NRARP: variants seen among roughly 807,000 people sequenced by gnomAD.
NRARP encodes notch-regulated ankyrin repeat-containing protein.
For synonymous variants in NRARP, 81 were observed against 77.4 expected, an observed-to-expected ratio of 1.05 and a Z score of -0.25; for missense variants, 83 against 161.1, an observed-to-expected ratio of 0.52 and a Z score of 2.62.
chr9:137,301,942 G>A lies in NRARP; in HGVS notation c.-14C>T. 1 of 1,275,626 alleles carries A rather than the reference G, an allele frequency of 7.8e-7. No individual in the cohort carries two copies. Among genetic ancestry groups the A allele is most frequent in the Non-Finnish European group, 1.0e-6 (1 of 1,000,826 alleles). 79.0% of individuals were successfully genotyped at this position (1,275,626 alleles called of 1,614,324 possible). On this transcript the variant is annotated 5_prime_UTR_variant, in exon 1 of 1. Transcript: ENST00000356628. This position sits in a 1 kb window ranked among gnomAD's most constrained non-coding sequence, Gnocchi z 9.1. ...GGCCTGGCTCATGCTGCCGCCGGGC[G>A]CGGGCCGCGGGCCGGGCCGGGGCTC...
Position 137,302,063 on chromosome 9 carries a change from C to A in NRARP, c.-135G>T. ...CGTCCCCGGGCCCCGCACGCCGCCT[C>A]TGGGCGCTCCGGGCGCTCGGGGCCG... On this transcript the variant is annotated 5_prime_UTR_variant, in exon 1 of 1. Coordinates refer to ENST00000356628, the MANE Select transcript of NRARP (RefSeq NM_001004354.3). This position sits in a 1 kb window ranked among gnomAD's most constrained non-coding sequence, Gnocchi z 4.8. 1 of 198,814 alleles carries A rather than the reference C, an allele frequency of 5.0e-6. No homozygotes were observed. Among genetic ancestry groups the A allele is most frequent in the South Asian group, 1.7e-4 (1 of 5,856 alleles). 12.3% of individuals were successfully genotyped at this position (198,814 alleles called of 1,614,324 possible).
At position 137,301,907 on chromosome 9, in the gene NRARP, T is replaced by C. The variant is rs1830959114; in HGVS notation, c.22A>G (p.Thr8Ala). The C allele has an allele frequency of 3.2e-6, 5 of 1,540,156 alleles. No individual in the cohort carries two copies. The highest frequency in any genetic ancestry group is 1.8e-5 in the Admixed American group (1 of 56,162). Residue 8 changes from threonine (T) to alanine (A), a missense_variant, in exon 1 of 1, where the codon ACC becomes GCC. Coordinates refer to ENST00000356628, the MANE Select transcript of NRARP (RefSeq NM_001004354.3). The surrounding 1 kb of genome is among the most constrained non-coding windows in gnomAD (Gnocchi z 9.1). MSQAELSTCSAPQTQRIF... is the reference protein window; with the variant it reads MSQAELSACSAPQTQRIF... ...CGCTGCGTCTGCGGCGCGGAGCAGG[T>C]GGACAGCTCGGCCTGGCTCATGCTG...
Position 137,300,354 on chromosome 9 carries a change from C to T in NRARP, c.*1230G>A, listed in dbSNP as rs1057356464. The stretch of plus-strand genomic sequence containing the variant: ...GCCATTAGCACAAGAGATTCACAGT[C>T]TTATAGGTATTTTATAAAAATATAA... On this transcript the variant is annotated 3_prime_UTR_variant, in exon 1 of 1. Transcript: ENST00000356628. 1.3e-5 allele frequency: 2 copies of T among 152,092 alleles called. No individual in the cohort carries two copies. The highest frequency in any genetic ancestry group is 4.8e-5 in the African/African-American group (2 of 41,398). The allele number at this position is 152,092 out of a possible 1,614,324, so 9.4% of individuals were successfully genotyped here.
chr9:137,301,460 T>C lies in NRARP; in HGVS notation c.*124A>G. The C allele has an allele frequency of 1.7e-6, 1 of 600,742 alleles. No individual in the cohort carries two copies. The highest frequency in any genetic ancestry group is 2.8e-5 in the South Asian group (1 of 36,014). The allele number at this position is 600,742 out of a possible 1,614,324, so 37.2% of individuals were successfully genotyped here. On this transcript the variant is annotated 3_prime_UTR_variant, in exon 1 of 1. Transcript: ENST00000356628. The surrounding 1 kb of genome is among the most constrained non-coding windows in gnomAD (Gnocchi z 9.1). Reference sequence around the variant, plus strand: ...CCCTGGGGCCGGGACGCACGCGCCGTATTCGCCGTGGCCACGGGCCTTCTG... The same window carrying C: ...CCCTGGGGCCGGGACGCACGCGCCGCATTCGCCGTGGCCACGGGCCTTCTG...
Position 137,301,670 on chromosome 9 carries a change from C to A in NRARP, c.259G>T (p.Ala87Ser). Residue 87 changes from alanine (A) to serine (S), a missense_variant, in exon 1 of 1, where the codon GCG (alanine) becomes TCG (serine). Transcript: ENST00000356628. The surrounding 1 kb of genome is among the most constrained non-coding windows in gnomAD (Gnocchi z 9.1). ...IRLANRDGWS[A>S]LHIAAFGGHQ... ...CCACCGAACGCGGCGATGTGCAGCG[C>A]GCTCCAGCCGTCGCGGTTGGCCAGG... is the stretch of plus-strand genomic sequence containing the variant. 6.2e-7 allele frequency: 1 copy of A among 1,611,480 alleles called. No individual in the cohort carries two copies. The highest frequency in any genetic ancestry group is 1.1e-5 in the South Asian group (1 of 90,946).
chr9:137,301,999 G>T lies in NRARP; in HGVS notation c.-71C>A. 1.6e-6 allele frequency: 1 copy of T among 635,650 alleles called. No individual in the cohort carries two copies. The highest frequency in any genetic ancestry group is 1.9e-6 in the Non-Finnish European group (1 of 512,856). The allele number at this position is 635,650 out of a possible 1,614,324, so 39.4% of individuals were successfully genotyped here. A position where few individuals can be genotyped will look rare whatever the true frequency, so the allele number is the denominator to read the frequency against. On this transcript the variant is annotated 5_prime_UTR_variant, in exon 1 of 1. Transcript: ENST00000356628. The surrounding 1 kb of genome is among the most constrained non-coding windows in gnomAD (Gnocchi z 9.1). The stretch of plus-strand genomic sequence containing the variant: ...GGCGGCGGCTGCGGCGCGGGCCCCC[G>T]GCTGTCTCGGGGCGCGCCTCGGCGC...
Position 137,301,961 on chromosome 9 carries a change from G to C in NRARP, c.-33C>G, listed in dbSNP as rs1830960167. 9.3e-7 allele frequency: 1 copy of C among 1,078,114 alleles called. No homozygotes were observed. Among genetic ancestry groups the C allele is most frequent in the Non-Finnish European group, 1.1e-6 (1 of 878,478 alleles). 66.8% of individuals were successfully genotyped at this position (1,078,114 alleles called of 1,614,324 possible). On this transcript the variant is annotated 5_prime_UTR_variant, in exon 1 of 1. Transcript: ENST00000356628. The surrounding 1 kb of genome is among the most constrained non-coding windows in gnomAD (Gnocchi z 9.1). ...CCGGGCGCGGGCCGCGGGCCGGGCC[G>C]GGGCTCAGCGCGGGCGGCGGCTGCG...
In NRARP at chr9:137,301,424, G is replaced by T; in HGVS notation, c.*160C>A. ...GCCGCAGGGAGGCGCTCGGCCGGCG[G>T]GGCTGCCGGACCCTGGGGCCGGGAC... is the stretch of plus-strand genomic sequence containing the variant. On this transcript the variant is annotated 3_prime_UTR_variant, in exon 1 of 1. Coordinates refer to ENST00000356628, the MANE Select transcript of NRARP (RefSeq NM_001004354.3). This position sits in a 1 kb window ranked among gnomAD's most constrained non-coding sequence, Gnocchi z 9.1. The T allele has an allele frequency of 2.4e-6, 1 of 412,174 alleles. No homozygotes were observed. Among genetic ancestry groups the T allele is most frequent in the Admixed American group, 4.7e-5 (1 of 21,322 alleles). 25.5% of individuals were successfully genotyped at this position (412,174 alleles called of 1,614,324 possible).
chr9:137,300,121 A>G lies in NRARP; in HGVS notation c.*1463T>C, dbSNP rs953972334. Among the ~76,000 whole-genome samples, 10 of 152,156 alleles carry G rather than the reference A, an allele frequency of 6.6e-5. No homozygotes were observed. Among genetic ancestry groups the G allele is most frequent in the Non-Finnish European group, 1.3e-4 (9 of 68,038 alleles). ...AGCCTCCCTTTTATTTCTCAGGATC[A>G]AAACAACAAGGGGTGTGGGGCTGCA... is the stretch of plus-strand genomic sequence containing the variant. On this transcript the variant is annotated 3_prime_UTR_variant, in exon 1 of 1. Transcript: ENST00000356628.
chr9:137,301,755 C>T lies in NRARP; in HGVS notation c.174G>A (p.Ser58=), dbSNP rs1275202574. ...GPEGQTALHQ[S]VIDGNLELVK... Reference sequence around the variant, plus strand: ...CGAGCTCCAGGTTGCCGTCGATGACCGACTGGTGCAGCGCCGTCTGGCCCT... The same window carrying T: ...CGAGCTCCAGGTTGCCGTCGATGACTGACTGGTGCAGCGCCGTCTGGCCCT... Residue 58 remains serine (S), a synonymous_variant, in exon 1 of 1, where the codon TCG becomes TCA. Coordinates refer to ENST00000356628, the MANE Select transcript of NRARP (RefSeq NM_001004354.3). This position sits in a 1 kb window ranked among gnomAD's most constrained non-coding sequence, Gnocchi z 9.1. The T allele has an allele frequency of 1.2e-6, 2 of 1,610,810 alleles. No individual in the cohort carries two copies. The highest frequency in any genetic ancestry group is 2.2e-5 in the East Asian group (1 of 44,834).
rs981706523 is a variant in NRARP at position 137,300,004 on chromosome 9, A to C, written c.*1580T>G. On this transcript the variant is annotated 3_prime_UTR_variant, in exon 1 of 1. Coordinates refer to ENST00000356628, the MANE Select transcript of NRARP (RefSeq NM_001004354.3). ...GACCAGCCACGCACAAAGGGCCTCC[A>C]CCCACCTGTGTCCTCAAGTGCTCCC... Among the ~76,000 whole-genome samples, 1 of 152,176 alleles carries C rather than the reference A, an allele frequency of 6.6e-6. No individual in the cohort carries two copies. Among genetic ancestry groups the C allele is most frequent in the African/African-American group, 2.4e-5 (1 of 41,442 alleles).
chr9:137,301,350 G>C lies in NRARP; in HGVS notation c.*234C>G. Reference sequence around the variant, plus strand: ...CACCCGCGAGGCGGCGGGCAGGCGAGCGGGTGGGGGCCGTGGGAAGCTGCT... The same window carrying C: ...CACCCGCGAGGCGGCGGGCAGGCGACCGGGTGGGGGCCGTGGGAAGCTGCT... On this transcript the variant is annotated 3_prime_UTR_variant, in exon 1 of 1. Transcript: ENST00000356628. This position sits in a 1 kb window ranked among gnomAD's most constrained non-coding sequence, Gnocchi z 9.1. 5.3e-6 allele frequency: 1 copy of C among 187,456 alleles called. No individual in the cohort carries two copies. The highest frequency in any genetic ancestry group is 6.1e-5 in the Admixed American group (1 of 16,356). 11.6% of individuals were successfully genotyped at this position (187,456 alleles called of 1,614,324 possible). A position where few individuals can be genotyped will look rare whatever the true frequency, so the allele number is the denominator to read the frequency against.
rs1047072272 is a variant in NRARP at position 137,300,179 on chromosome 9, C to T, written c.*1405G>A. On this transcript the variant is annotated 3_prime_UTR_variant, in exon 1 of 1. Transcript: ENST00000356628. ...TTGGAGCCACAGAAACCAGGAAGGG[C>T]GCCTTTCAGGACAGAAAGTGACGCA... 2.0e-5 allele frequency among the ~76,000 whole-genome samples: 3 copies of T among 152,206 alleles called. No individual in the cohort carries two copies. The highest frequency in any genetic ancestry group is 2.1e-4 in the South Asian group (1 of 4,828).
At position 137,301,603 on chromosome 9, in the gene NRARP, T is replaced by C. The variant is rs1830956335; in HGVS notation, c.326A>G (p.Tyr109Cys). 9 of 1,584,080 alleles carry C rather than the reference T, an allele frequency of 5.7e-6. No homozygotes were observed. Among genetic ancestry groups the C allele is most frequent in the Non-Finnish European group, 7.7e-6 (9 of 1,161,640 alleles). Reference protein sequence around the residue: ...IVLYLITKAKYAASGR With the variant: ...IVLYLITKAKCAASGR ...CGGGCATCACCGGCCGCTGGCCGCG[T>C]ACTTCGCCTTGGTGATGAGATAGAG... Residue 109 changes from tyrosine to cysteine, a missense_variant, in exon 1 of 1, where the codon TAC becomes TGC. Physicochemically the swap from Tyr to Cys is radical, Grantham distance 194. Transcript: ENST00000356628. The surrounding 1 kb of genome is among the most constrained non-coding windows in gnomAD (Gnocchi z 9.1).
chr9:137,301,917 G>C lies in NRARP; in HGVS notation c.12C>G (p.Ala4=), dbSNP rs778128285. MSQ[A]ELSTCSAPQT... is the part of the protein sequence containing the mutation. ...GCGGCGCGGAGCAGGTGGACAGCTC[G>C]GCCTGGCTCATGCTGCCGCCGGGCG... Residue 4 remains alanine, a synonymous_variant, in exon 1 of 1, where the codon GCC becomes GCG. Transcript: ENST00000356628. This position sits in a 1 kb window ranked among gnomAD's most constrained non-coding sequence, Gnocchi z 9.1. 29 of 1,466,666 alleles carry C rather than the reference G, an allele frequency of 2.0e-5. No individual in the cohort carries two copies. In the East Asian group the frequency reaches 3.0e-4, roughly 15 times the overall value. The allele number at this position is 1,466,666 out of a possible 1,614,324, so 90.9% of individuals were successfully genotyped here. A position where few individuals can be genotyped will look rare whatever the true frequency, so the allele number is the denominator to read the frequency against.
rs1302775655 is a variant in NRARP, at chr9:137,299,646, T to G, written c.*1938A>C. ...AGCCAAGAAGGACCAAGAAACTTTTTTTTAATATAAAAAGATCAATGAAAA... is the reference window on the plus strand; with the variant it reads ...AGCCAAGAAGGACCAAGAAACTTTTGTTTAATATAAAAAGATCAATGAAAA... On this transcript the variant is annotated 3_prime_UTR_variant, in exon 1 of 1. Coordinates refer to ENST00000356628, the MANE Select transcript of NRARP (RefSeq NM_001004354.3). Among the ~76,000 whole-genome samples the G allele has an allele frequency of 6.6e-6, 1 of 152,226 alleles. No homozygotes were observed. The highest frequency in any genetic ancestry group is 1.5e-5 in the Non-Finnish European group (1 of 68,044).
Position 137,300,226 on chromosome 9 carries a change from G to T in NRARP, c.*1358C>A, listed in dbSNP as rs1342055008. ...CGCAGGAGAACCTCCCCGGGCCCAG[G>T]TCTCGACGCAACCCCTCCCCCACGG... On this transcript the variant is annotated 3_prime_UTR_variant, in exon 1 of 1. Transcript: ENST00000356628. 6.6e-6 allele frequency among the ~76,000 whole-genome samples: 1 copy of T among 152,092 alleles called. No individual in the cohort carries two copies. Among genetic ancestry groups the T allele is most frequent in the Non-Finnish European group, 1.5e-5 (1 of 68,010 alleles).
In NRARP at chr9:137,300,585, G is replaced by C. The variant is rs927314934; in HGVS notation, c.*999C>G. On this transcript the variant is annotated 3_prime_UTR_variant, in exon 1 of 1. Coordinates refer to ENST00000356628, the MANE Select transcript of NRARP (RefSeq NM_001004354.3). ...GTGCAACCGTTAACTATGATAGAACGCACTAGAAAAGGTAACGAACCTTCA... is the reference window on the plus strand; with the variant it reads ...GTGCAACCGTTAACTATGATAGAACCCACTAGAAAAGGTAACGAACCTTCA... The C allele has an allele frequency of 6.6e-6, 1 of 152,210 alleles. No individual in the cohort carries two copies. Among genetic ancestry groups the C allele is most frequent in the Non-Finnish European group, 1.5e-5 (1 of 68,018 alleles). The allele number at this position is 152,210 out of a possible 1,614,324, so 9.4% of individuals were successfully genotyped here.
At position 137,300,408 on chromosome 9, in the gene NRARP, C is replaced by T. The variant is rs1830936977; in HGVS notation, c.*1176G>A. On this transcript the variant is annotated 3_prime_UTR_variant, in exon 1 of 1. Coordinates refer to ENST00000356628, the MANE Select transcript of NRARP (RefSeq NM_001004354.3). ...TGGGTACACTCTGTTGCCTTCACAA[C>T]GCTGGATACATCGCCCTTTAAAATT... 6.6e-6 allele frequency: 1 copy of T among 152,114 alleles called. No homozygotes were observed. The highest frequency in any genetic ancestry group is 2.4e-5 in the African/African-American group (1 of 41,388). The allele number at this position is 152,114 out of a possible 1,614,324, so 9.4% of individuals were successfully genotyped here.
Sources: allele counts gnomAD v4.1 joint callset (sites outside exome capture counted in the v4.1 genomes callset), GRCh38; gene constraint gnomAD v4.1.1; non-coding constraint Gnocchi (gnomAD v3.1); transcripts MANE v1.5; gene names NCBI Gene and HGNC (gene_info 2026-07-23, HGNC 2026-07-21).